The following DYNC2I1 variants were observed in gnomAD, a reference collection of about 807,000 sequenced individuals.
The protein encoded by DYNC2I1 is cytoplasmic dynein 2 intermediate chain 1.
DYNC2I1 carries 89 observed loss-of-function variants against 133.4 expected under a neutral mutation model. The observed-to-expected ratio is 0.67, with a 90% CI of 0.56 to 0.80. The LOEUF is 0.80. Among genes scored for constraint, DYNC2I1 ranks in the 30% least tolerant of loss-of-function variants. The probability of loss-of-function intolerance (pLI) is 0.00; values close to 1 mark genes in which losing one functional copy is unlikely to be tolerated. For synonymous variants in DYNC2I1, 504 were observed against 484.3 expected (o/e 1.04, Z -0.54); for missense variants, 1,291 against 1,314.5 (o/e 0.98, Z 0.28).
At chr7:158,924,276 A>G (rs1849392416) in intron 17 of DYNC2I1, among the ~76,000 whole-genome samples, 1 of 152,222 alleles carries the variant, frequency 6.6e-6, no homozygotes, top group African/African-American at 2.4e-5. Flanking sequence ...CTAGCTCCAC[A>G]GGAAGATGCC....
At chr7:158,933,661 A>G (rs958480760) in intron 21 of DYNC2I1, among the ~76,000 whole-genome samples, 2 of 152,246 alleles carry the variant, frequency 1.3e-5, no homozygotes, top group African/African-American at 4.8e-5. Context: ...TAGTTAAAGT[A>G]GACGCAAAAC....
At position 158,942,087 on chromosome 7, in the gene DYNC2I1, A is replaced by C. The variant is rs747841579; in HGVS notation, c.2941A>C (p.Ile981Leu). 3.1e-6 allele frequency: 5 copies of C among 1,608,776 alleles called. No individual in the cohort carries two copies. In the East Asian group the frequency reaches 6.7e-5, roughly 22 times the overall value. The part of the protein sequence containing the change: ...LVQDDTSNIY[I>L]WDLLQSDLGP... Reference sequence around the variant, plus strand: ...GCAGGACGACACATCCAACATCTACATCTGGGACCTCCTCCAGAGCGATCT... The same window carrying C: ...GCAGGACGACACATCCAACATCTACCTCTGGGACCTCCTCCAGAGCGATCT... Residue 981 changes from isoleucine (I) to leucine (L), a missense_variant, in exon 24 of 25, where the codon ATC becomes CTC. Transcript: ENST00000407559.
rs149775286 is a variant in DYNC2I1 at position 158,936,831 on chromosome 7, A to G, written c.2778+2282A>G. Among the ~76,000 whole-genome samples the G allele has an allele frequency of 1.3e-3, 196 of 152,350 alleles. 1 individual carries two copies. The highest frequency in any genetic ancestry group is 4.4e-3 in the African/African-American group (184 of 41,572). On this transcript the variant is annotated intron_variant, in intron 23 of 24. Transcript: ENST00000407559. The stretch of plus-strand genomic sequence containing the variant: ...TCCCTCAATCACTAAATACAGCCAA[A>G]GTGAACCTCGTCTTAAGGTGACACC...
intron 1 of DYNC2I1, among the ~76,000 whole-genome samples, chr7:158,865,772 G>A (rs1182250412): frequency 6.6e-6 from 1 of 152,186 alleles, no homozygotes. Flanking sequence ...GAGTCTGAGG[G>A]CAGGTCAAGT....
At chr7:158,883,046 A>G (rs986503519) in intron 5 of DYNC2I1, among the ~76,000 whole-genome samples, 1 of 152,056 alleles carries the variant, frequency 6.6e-6, no homozygotes, top group Non-Finnish European at 1.5e-5. Flanking sequence ...ATATTCTTCA[A>G]CTGAGTACTC....
Position 158,942,072 on chromosome 7 carries a change from A to G in DYNC2I1, c.2926A>G (p.Thr976Ala), listed in dbSNP as rs1851430228. The G allele has an allele frequency of 6.2e-7, 1 of 1,611,096 alleles. No individual in the cohort carries two copies. ...TGCCGTGTTCCTGGTGCAGGACGAC[A>G]CATCCAACATCTACATCTGGGACCT... is the stretch of plus-strand genomic sequence containing the variant. ...RPAVFLVQDD[T>A]SNIYIWDLLQ... The change falls in exon 24 of 25, where the codon ACA becomes GCA. Residue 976 changes from threonine (T) to alanine (A), a missense_variant. Thr to Ala is a moderately conservative substitution (Grantham distance 58, BLOSUM62 0). Transcript: ENST00000407559.
At chr7:158,879,535 T>C (rs762797150) in intron 4 of DYNC2I1, 149 bp from the exon 5 acceptor site, 4 of 754,096 alleles carry the variant, frequency 5.3e-6, no homozygotes, top group Non-Finnish European at 8.4e-6. Context: ...GGAAAAAGTC[T>C]GTACATGTTT....
At chr7:158,955,633 G>T (rs983700510) in intron 4 of DYNC2I1, among the ~76,000 whole-genome samples, 1 of 152,214 alleles carries the variant, frequency 6.6e-6, no homozygotes, top group Admixed American at 6.5e-5. Flanking sequence ...CAGAGGTCCT[G>T]CCTGCAGGCG....
At chr7:158,871,656 C>T in intron 3 of DYNC2I1, 94 bp downstream of exon 3, 1 of 1,325,068 alleles carries the variant, frequency 7.5e-7, no homozygotes, top group East Asian at 2.5e-5. Context: ...TCCCTCTCTC[C>T]CCCGCTTCCC....
chr7:158,880,004 G>A lies in DYNC2I1; in HGVS notation c.879+15G>A. 1.3e-6 allele frequency: 2 copies of A among 1,572,344 alleles called. No individual in the cohort carries two copies. The highest frequency in any genetic ancestry group is 1.7e-6 in the Non-Finnish European group (2 of 1,164,856). On this transcript the variant is annotated intron_variant, in intron 5 of 24. Transcript: ENST00000407559. Reference sequence around the variant, plus strand: ...GGGAATCCCAGGTACCCCTTCTGATGCTTCGTTGCCTTAGCAGCCGCCCCG... The same window carrying A: ...GGGAATCCCAGGTACCCCTTCTGATACTTCGTTGCCTTAGCAGCCGCCCCG...
chr7:158,907,537 C>T (rs1846961701), intron 11 of DYNC2I1, among the ~76,000 whole-genome samples: 1 of 151,874 alleles, frequency 6.6e-6, no homozygotes, highest in South Asian at 2.1e-4. Context: ...GTTGCCTTCC[C>T]TCCCTTTCCA....
chr7:158,856,090 T>C (rs2129475335), upstream of DYNC2I1, among the ~76,000 whole-genome samples: 1 of 151,744 alleles, frequency 6.6e-6, no homozygotes, highest in South Asian at 2.1e-4. Flanking sequence ...TACAGGCGCC[T>C]GCTACTGCGC....
chr7:158,849,762 C>G, the DYNC2I1 span, among the ~76,000 whole-genome samples: 2 of 152,214 alleles, frequency 1.3e-5, no homozygotes, highest in African/African-American at 2.4e-5. Flanking sequence ...AGAGAGGGTA[C>G]TCCTCTTTCT....
Position 158,869,740 on chromosome 7 carries a change from C to T in DYNC2I1, c.16-115C>T, listed in dbSNP as rs114073208. ...ATTCCAGGAGGTAGAGAAGTATTTT[C>T]TGGCATGTCAAGAATTAACTGCCAT... On this transcript the variant is annotated intron_variant, in intron 1 of 24. Transcript: ENST00000407559. The T allele has an allele frequency of 0.011, 7,951 of 730,332 alleles. 132 individuals carry two copies. Among genetic ancestry groups the T allele is most frequent in the Middle Eastern group, 0.047 (121 of 2,564 alleles). 45.2% of individuals were successfully genotyped at this position (730,332 alleles called of 1,614,324 possible).
At chr7:158,855,690 TAA>T (rs1841177643), upstream of DYNC2I1, among the ~76,000 whole-genome samples, 1 of 152,216 alleles carries the variant, frequency 6.6e-6, no homozygotes, top group South Asian at 2.1e-4. Flanking sequence ...TGCTGTGGGT[TAA>T]GTTACACCTC....
Position 158,925,284 on chromosome 7 carries a change from T to C in DYNC2I1, c.2258-903T>C, listed in dbSNP as rs1030673041. 5.9e-5 allele frequency among the ~76,000 whole-genome samples: 9 copies of C among 152,316 alleles called. 1 individual carries two copies. The East Asian group carries it at 1.3e-3, about 23-fold the overall frequency. ...GATGGTTTTGTCTTTTTCTTCAGTT[T>C]CTTTCCTGAGTTCAATCCCAGTTCT... On this transcript the variant is annotated intron_variant, in intron 17 of 24. Coordinates refer to ENST00000407559, the MANE Select transcript of DYNC2I1 (RefSeq NM_018051.5).
intron 3 of DYNC2I1, among the ~76,000 whole-genome samples, chr7:158,874,209 A>ATT (rs35679970): frequency 1.3e-3 from 184 of 141,216 alleles, no homozygotes; most frequent in Non-Finnish European, 2.1e-3. Flanking sequence ...GGCCTAATTA[A>ATT]TTTTTTTTTT....
chr7:158,910,910 G>A (rs1214103995), intron 11 of DYNC2I1, among the ~76,000 whole-genome samples: 2 of 150,980 alleles, frequency 1.3e-5, no homozygotes, highest in Non-Finnish European at 3.0e-5. Flanking sequence ...GCTGTGTCAG[G>A]CCTGTGGGAG....
intron 8 of DYNC2I1, among the ~76,000 whole-genome samples, chr7:158,894,783 T>C (rs1474812771): frequency 6.6e-6 from 1 of 152,218 alleles, no homozygotes; most frequent in African/African-American, 2.4e-5. Flanking sequence ...TCTTCCACAG[T>C]GGCCATAGGG....
Sources: gnomAD v4.1 joint callset for allele counts (sites outside exome capture counted in the v4.1 genomes callset) on GRCh38, gnomAD v4.1.1 for gene constraint, MANE v1.5 for transcripts, NCBI Gene and HGNC (gene_info 2026-07-23, HGNC 2026-07-21) for gene names.